The following KLF12 variants were observed in gnomAD, a reference collection of about 807,000 sequenced individuals.
The protein encoded by KLF12 is Krueppel-like factor 12.
KLF12 carries 9 observed loss-of-function variants against 37.8 expected under a neutral mutation model. The observed-to-expected ratio is 0.24, with a 90% CI of 0.14 to 0.42. The LOEUF is 0.42. KLF12 is among the 10% of genes least tolerant of loss of function. The pLI is 1.00. For synonymous variants in KLF12, 208 were observed against 202.1 expected, an observed-to-expected ratio of 1.03 and a Z score of -0.25; for missense variants, 411 against 516.0, an observed-to-expected ratio of 0.80 and a Z score of 1.97.
intron 1 of KLF12, among the ~76,000 whole-genome samples, chr13:74,092,684 C>T (rs1444858050): frequency 1.3e-5 from 2 of 151,696 alleles, no homozygotes; most frequent in Admixed American, 6.6e-5. Flanking sequence ...CCTATAAAAT[C>T]GGAAAGAATA....
intron 1 of KLF12, among the ~76,000 whole-genome samples, chr13:74,042,749 GTCAT>G (rs913900639): frequency 2.6e-5 from 4 of 152,174 alleles, no homozygotes; most frequent in African/African-American, 4.8e-5. Flanking sequence ...TTTGCAATGT[GTCAT>G]TCAATCAGAC....
chr13:74,178,164 A>G, the KLF12 span, among the ~76,000 whole-genome samples: 7 of 152,196 alleles, frequency 4.6e-5, no homozygotes, highest in Non-Finnish European at 1.0e-4. Flanking sequence ...TGGGGTGCAT[A>G]TTCCACAAAG....
chr13:73,886,152 C>A (rs1887214275), intron 3 of KLF12, among the ~76,000 whole-genome samples: 1 of 152,100 alleles, frequency 6.6e-6, no homozygotes, highest in Non-Finnish European at 1.5e-5. Context: ...ATGGAAGTGT[C>A]ACAAAGATGA....
At chr13:74,282,915 C>G in the KLF12 span, among the ~76,000 whole-genome samples, 15 of 152,212 alleles carry the variant, frequency 9.9e-5, no homozygotes, top group East Asian at 2.9e-3. Flanking sequence ...TTCTAACCTC[C>G]TAGTGTTCTA....
the KLF12 span, among the ~76,000 whole-genome samples, chr13:74,145,576 T>A: frequency 6.6e-6 from 1 of 152,218 alleles, no homozygotes; most frequent in African/African-American, 2.4e-5. Context: ...TGTCTGTTCA[T>A]GCACATCTAC....
At position 73,747,258 on chromosome 13, in the gene KLF12, TGGCAGGGATCCAGAGGA is replaced by T. The variant is rs751909351; in HGVS notation, c.869+17663_869+17679del. Among the ~76,000 whole-genome samples the T allele has an allele frequency of 1.5e-3, 232 of 152,202 alleles. 2 individuals carry two copies. Among genetic ancestry groups the T allele is most frequent in the Non-Finnish European group, 2.9e-3 (197 of 68,010 alleles). On this transcript the variant is annotated intron_variant, in intron 6 of 7. Coordinates refer to ENST00000377669, the MANE Select transcript of KLF12 (RefSeq NM_007249.5). ...AATTGAGGGCCATGACAAAAAGACA[TGGCAGGGATCCAGAGGA>T]GGAATGAAGAACCCAGGCTGCCATC... is the stretch of plus-strand genomic sequence containing the variant.
chr13:73,886,979 C>T (rs566266539), intron 3 of KLF12, among the ~76,000 whole-genome samples: 16 of 128,656 alleles, frequency 1.2e-4, no homozygotes, highest in South Asian at 2.7e-4. Flanking sequence ...GCAACAAGAG[C>T]GAAAATCCGT....
At chr13:74,226,314 C>T in the KLF12 span, among the ~76,000 whole-genome samples, 1 of 152,068 alleles carries the variant, frequency 6.6e-6, no homozygotes, top group African/African-American at 2.4e-5. Flanking sequence ...AATGGTTTGG[C>T]TAGACAGTTC....
chr13:74,224,575 T>G, the KLF12 span, among the ~76,000 whole-genome samples: 1 of 152,218 alleles, frequency 6.6e-6, no homozygotes, highest in Non-Finnish European at 1.5e-5. Context: ...TCAGTTTTAT[T>G]ACATACGTTG....
At chr13:73,899,595 T>C (rs1887946360) in intron 3 of KLF12, among the ~76,000 whole-genome samples, 2 of 152,080 alleles carry the variant, frequency 1.3e-5, no homozygotes, top group Non-Finnish European at 2.9e-5. Context: ...AGACTGACAT[T>C]TGAATCAGTG....
At chr13:73,698,129 C>G (rs1028385719) in intron 7 of KLF12, among the ~76,000 whole-genome samples, 1 of 150,776 alleles carries the variant, frequency 6.6e-6, no homozygotes, top group African/African-American at 2.4e-5. Context: ...TGCACTCCAG[C>G]CTGGGTGGCA....
At chr13:73,939,781 C>T (rs935544037) in intron 3 of KLF12, among the ~76,000 whole-genome samples, 2 of 152,116 alleles carry the variant, frequency 1.3e-5, no homozygotes, top group African/African-American at 4.8e-5. Flanking sequence ...ACAGCTGGTA[C>T]CAGGCTGAAT....
At chr13:73,720,917 C>T (rs1876192279) in intron 6 of KLF12, among the ~76,000 whole-genome samples, 1 of 152,112 alleles carries the variant, frequency 6.6e-6, no homozygotes, top group African/African-American at 2.4e-5. Context: ...GACAATCTTT[C>T]AAGCCTGGAA....
intron 1 of KLF12, among the ~76,000 whole-genome samples, chr13:74,014,758 G>A (rs552742961): frequency 2.0e-5 from 3 of 152,238 alleles, no homozygotes; most frequent in East Asian, 1.9e-4. Context: ...CAAGGTCTCC[G>A]TCTGTAAAGG....
the KLF12 span, among the ~76,000 whole-genome samples, chr13:74,185,415 G>A: frequency 5.3e-5 from 8 of 151,992 alleles, no homozygotes; most frequent in South Asian, 2.1e-4. Context: ...TATTTCAGTC[G>A]GTCATCAATA....
intron 4 of KLF12, among the ~76,000 whole-genome samples, chr13:73,838,153 G>A (rs1199815317): frequency 6.7e-6 from 1 of 150,366 alleles, no homozygotes; most frequent in East Asian, 2.0e-4. Flanking sequence ...ACAGAACCTA[G>A]GTCACAATGC....
intron 5 of KLF12, among the ~76,000 whole-genome samples, chr13:73,780,190 C>A (rs950120885): frequency 6.6e-6 from 1 of 152,216 alleles, no homozygotes; most frequent in Admixed American, 6.5e-5. Context: ...AGCAAAGAAG[C>A]AACTCTTTTA....
chr13:73,920,911 C>A (rs944754173), intron 3 of KLF12, among the ~76,000 whole-genome samples: 4 of 152,120 alleles, frequency 2.6e-5, no homozygotes, highest in Non-Finnish European at 5.9e-5. Flanking sequence ...AGAAGCACAG[C>A]GAGGGGCTTT....
chr13:74,244,131 C>T, the KLF12 span, among the ~76,000 whole-genome samples: 1 of 152,128 alleles, frequency 6.6e-6, no homozygotes, highest in African/African-American at 2.4e-5. Context: ...CACTTATATT[C>T]CCACAGTTGA....
Sources: allele counts gnomAD v4.1 joint callset (sites outside exome capture counted in the v4.1 genomes callset), GRCh38; gene constraint gnomAD v4.1.1; transcripts MANE v1.5; gene names NCBI Gene and HGNC (gene_info 2026-07-23, HGNC 2026-07-21).